Variants in TIMP3 observed in about 807,000 individuals in gnomAD.
TIMP3 encodes metalloproteinase inhibitor 3.
Under a neutral mutation model 30.0 loss-of-function variants are expected in TIMP3, and 11 were observed. The ratio of observed to expected loss-of-function variants is 0.37; its 90% CI spans 0.23 to 0.61. The LOEUF is 0.61. Ranked by LOEUF, TIMP3 falls within the 20% of genes least tolerant of loss-of-function variation. TIMP3 has a pLI of 0.70. For synonymous variants in TIMP3, 112 were observed against 111.3 expected (o/e 1.01, Z -0.04); for missense variants, 181 against 276.8 (o/e 0.65, Z 2.45).
chr22:32,828,284 G>A (rs1452829750), intron 1 of TIMP3, among the ~76,000 whole-genome samples: 1 of 152,204 alleles, frequency 6.6e-6, no homozygotes, highest in African/African-American at 2.4e-5. Context: ...GGAAACTCAA[G>A]AGGGCAAGTT....
chr22:32,811,785 T>A (rs1162366795), intron 1 of TIMP3, among the ~76,000 whole-genome samples: 14 of 152,304 alleles, frequency 9.2e-5, no homozygotes, highest in African/African-American at 3.4e-4. Flanking sequence ...TGGAATGGGA[T>A]TGGAACCCAT....
chr22:32,829,547 G>A lies in TIMP3; in HGVS notation c.122-19905G>A, dbSNP rs115791325. 9.7e-3 allele frequency among the ~76,000 whole-genome samples: 1,479 copies of A among 152,320 alleles called. 24 individuals are homozygous for A. Among genetic ancestry groups the A allele is most frequent in the African/African-American group, 0.033 (1,381 of 41,576 alleles). On this transcript the variant is annotated intron_variant, in intron 1 of 4. Coordinates refer to ENST00000266085, the MANE Select transcript of TIMP3 (RefSeq NM_000362.5). ...CATCCCCACCGCAGCAGGGCTGCCC[G>A]CCTCCTGTTTCGTGAAAAACGGCCC...
chr22:32,842,405 A>T (rs988437042), intron 1 of TIMP3, among the ~76,000 whole-genome samples: 2 of 152,090 alleles, frequency 1.3e-5, no homozygotes, highest in Non-Finnish European at 2.9e-5. Context: ...GACATCATCA[A>T]AGCATCCCCA....
At position 32,859,115 on chromosome 22, in the gene TIMP3, G is replaced by A. The variant is rs775227060; in HGVS notation, c.439-65G>A. On this transcript the variant is annotated intron_variant, in intron 4 of 4. Transcript: ENST00000266085. ...GGCCCCAGGGTCTGAATCCAGGCTC[G>A]GTAGCCTCAGGCCTGGGCATACCAT... 6.8e-5 allele frequency: 107 copies of A among 1,572,748 alleles called. 1 individual carries two copies. In the African/African-American group the frequency reaches 1.1e-3, roughly 16 times the overall value.
intron 1 of TIMP3, among the ~76,000 whole-genome samples, chr22:32,817,208 ACT>A (rs541565467): frequency 4.6e-4 from 69 of 148,792 alleles, no homozygotes; most frequent in Non-Finnish European, 8.2e-4. Flanking sequence ...ACAGAGCAAG[ACT>A]CTATCTCAAA....
At chr22:32,857,832 C>T (rs2048414853) in intron 3 of TIMP3, among the ~76,000 whole-genome samples, 185 bp from the exon 4 acceptor site, 1 of 152,096 alleles carries the variant, frequency 6.6e-6, no homozygotes, top group Non-Finnish European at 1.5e-5. Flanking sequence ...CCTCATTATC[C>T]TCATCTGGAA....
rs73158353 is a variant in TIMP3 at position 32,852,660 on chromosome 22, A to G, written c.204+3126A>G. ...CTTCTCTCACTGATGGAAGGCAGGCAGACCTTCTCCCGTCTGCTAACTCTG... is the reference window on the plus strand; with the variant it reads ...CTTCTCTCACTGATGGAAGGCAGGCGGACCTTCTCCCGTCTGCTAACTCTG... On this transcript the variant is annotated intron_variant, in intron 2 of 4. Coordinates refer to ENST00000266085, the MANE Select transcript of TIMP3 (RefSeq NM_000362.5). Among the ~76,000 whole-genome samples, 782 of 152,294 alleles carry G rather than the reference A, an allele frequency of 5.1e-3. 4 individuals carry two copies. Among genetic ancestry groups the G allele is most frequent in the Middle Eastern group, 0.017 (5 of 294 alleles).
intron 3 of TIMP3, 54 bp downstream of exon 3, chr22:32,857,414 T>A: frequency 2.2e-6 from 3 of 1,353,510 alleles, no homozygotes; most frequent in Non-Finnish European, 3.2e-6. Flanking sequence ...CCACTGTTTC[T>A]TGACTTCAGA....
rs1273088699 is a variant in TIMP3, at chr22:32,860,311, C to T, written c.*934C>T. On this transcript the variant is annotated 3_prime_UTR_variant, in exon 5 of 5. Coordinates refer to ENST00000266085, the MANE Select transcript of TIMP3 (RefSeq NM_000362.5). ...ACCATACACTATCCACAGATATAGC[C>T]AAGTAGATTTGGGTAGAGGATACTA... The T allele has an allele frequency of 6.6e-6, 1 of 152,546 alleles. No individual in the cohort carries two copies. Among genetic ancestry groups the T allele is most frequent in the African/African-American group, 2.4e-5 (1 of 41,436 alleles). The allele number at this position is 152,546 out of a possible 1,614,324, so 9.4% of individuals were successfully genotyped here. A position where few individuals can be genotyped will look rare whatever the true frequency, so the allele number is the denominator to read the frequency against.
chr22:32,807,758 C>G (rs939813789), intron 1 of TIMP3, among the ~76,000 whole-genome samples: 1 of 151,404 alleles, frequency 6.6e-6, no homozygotes, highest in Non-Finnish European at 1.5e-5. Context: ...ATTATATATA[C>G]TACTACATAC....
At chr22:32,820,457 G>T (rs1192966105) in intron 1 of TIMP3, among the ~76,000 whole-genome samples, 2 of 152,018 alleles carry the variant, frequency 1.3e-5, no homozygotes, top group Non-Finnish European at 2.9e-5. Flanking sequence ...TCACCTAGGG[G>T]CCTGGAAAAC....
At chr22:32,807,978 T>C (rs1284169033) in intron 1 of TIMP3, among the ~76,000 whole-genome samples, 2 of 152,134 alleles carry the variant, frequency 1.3e-5, no homozygotes, top group East Asian at 3.8e-4. Flanking sequence ...TGAGTGTTTT[T>C]TTTCCTTCTT....
At chr22:32,819,261 G>A (rs541816147) in intron 1 of TIMP3, among the ~76,000 whole-genome samples, 2 of 152,372 alleles carry the variant, frequency 1.3e-5, no homozygotes, top group African/African-American at 4.8e-5. Flanking sequence ...GCTCACTGCA[G>A]ATCCCCAGGA....
chr22:32,858,217 G>GC, intron 4 of TIMP3, 79 bp downstream of exon 4: 1 of 1,588,032 alleles, frequency 6.3e-7, no homozygotes, highest in Non-Finnish European at 8.6e-7. Flanking sequence ...AATGCACTGG[G>GC]TGCCAGGCCC....
chr22:32,820,242 C>CTGTGTGTG (rs3054173), intron 1 of TIMP3, among the ~76,000 whole-genome samples: 13 of 149,000 alleles, frequency 8.7e-5, no homozygotes, highest in Admixed American at 4.7e-4. Context: ...CCTTTCTCCC[C>CTGTGTGTG]TGTGTGTGTG....
At position 32,801,955 on chromosome 22, in the gene TIMP3, C is replaced by T. The variant is rs773640534; in HGVS notation, c.-47C>T. 6.4e-7 allele frequency: 1 copy of T among 1,564,752 alleles called. No individual in the cohort carries two copies. The highest frequency in any genetic ancestry group is 1.2e-5 in the South Asian group (1 of 85,858). On this transcript the variant is annotated 5_prime_UTR_variant, in exon 1 of 5. Transcript: ENST00000266085. The surrounding 1 kb of genome is among the most constrained non-coding windows in gnomAD (Gnocchi z 4.7). Reference sequence around the variant, plus strand: ...GCCCCGCCGGCGGCGCGCACGGCAACTTTGGAGAGGCGAGCAGCAGCCCCG... The same window carrying T: ...GCCCCGCCGGCGGCGCGCACGGCAATTTTGGAGAGGCGAGCAGCAGCCCCG...
intron 1 of TIMP3, among the ~76,000 whole-genome samples, chr22:32,828,574 C>CTTTA (rs780755891): frequency 6.6e-6 from 1 of 152,206 alleles, no homozygotes; most frequent in Non-Finnish European, 1.5e-5. Flanking sequence ...CTTTAAGGGC[C>CTTTA]TTTATTTGGT....
At chr22:32,811,407 C>T (rs2145989244) in intron 1 of TIMP3, among the ~76,000 whole-genome samples, 1 of 152,278 alleles carries the variant, frequency 6.6e-6, no homozygotes. Context: ...TAGAGCAGAG[C>T]TGATATTCTC....
intron 1 of TIMP3, among the ~76,000 whole-genome samples, chr22:32,847,090 G>A (rs575853065): frequency 6.6e-6 from 1 of 152,024 alleles, no homozygotes; most frequent in Admixed American, 6.5e-5. Flanking sequence ...CACACCCCCC[G>A]GCCAAGACTC....
Sources: allele counts gnomAD v4.1 joint callset (sites outside exome capture counted in the v4.1 genomes callset), GRCh38; gene constraint gnomAD v4.1.1; non-coding constraint Gnocchi (gnomAD v3.1); transcripts MANE v1.5; gene names NCBI Gene and HGNC (gene_info 2026-07-23, HGNC 2026-07-21).